The following NHERF2 variants were observed in gnomAD, a reference collection of about 807,000 sequenced individuals.
The protein encoded by NHERF2 is NHERF family PDZ scaffold protein 2.
chr16:2,034,315 C>G, the NHERF2 span, among the ~76,000 whole-genome samples: 1 of 151,642 alleles, frequency 6.6e-6, no homozygotes, highest in Non-Finnish European at 1.5e-5. Context: ...GCCTTCCCTG[C>G]GTCCCAGGCC....
chr16:2,036,992 T>C, the NHERF2 span: 4 of 1,550,638 alleles, frequency 2.6e-6, no homozygotes, highest in African/African-American at 1.4e-5. Flanking sequence ...GAACCAGCCC[T>C]GCCCAGGTAA....
the NHERF2 span, chr16:2,027,147 G>A: frequency 1.4e-6 from 2 of 1,474,422 alleles, no homozygotes; most frequent in Non-Finnish European, 1.8e-6. Flanking sequence ...CGCCGAGGCC[G>A]CCGCGCTGCG....
At chr16:2,029,562 C>A in the NHERF2 span, 1 of 1,556,100 alleles carries the variant, frequency 6.4e-7, no homozygotes, top group Non-Finnish European at 8.7e-7. Flanking sequence ...TGACCCGCTC[C>A]TATCGCCCAT....
chr16:2,036,911 T>C, the NHERF2 span: 9 of 1,588,282 alleles, frequency 5.7e-6, no homozygotes, highest in African/African-American at 1.2e-4. Context: ...ACAGGGTGGG[T>C]GCGGTGTGGT....
chr16:2,036,509 G>A, the NHERF2 span: 150 of 1,575,100 alleles, frequency 9.5e-5, no homozygotes, highest in East Asian at 5.4e-4. Flanking sequence ...TTGAGGTACC[G>A]GCCCACCAGG....
chr16:2,036,187 G>C, the NHERF2 span: 1 of 839,440 alleles, frequency 1.2e-6, no homozygotes, highest in Non-Finnish European at 1.8e-6. Context: ...TGGGTGCCCG[G>C]AGTGTTTGCC....
the NHERF2 span, chr16:2,029,706 C>T: frequency 7.1e-6 from 11 of 1,555,232 alleles, no homozygotes; most frequent in South Asian, 3.6e-5. Flanking sequence ...CGAGGGCTCC[C>T]ACCCGCCCAC....
the NHERF2 span, among the ~76,000 whole-genome samples, chr16:2,035,228 C>G: frequency 1.3e-5 from 2 of 152,110 alleles, no homozygotes; most frequent in East Asian, 3.9e-4. Flanking sequence ...GAAGGACCCC[C>G]TTGCTCCCTT....
chr16:2,034,261 A>G, the NHERF2 span, among the ~76,000 whole-genome samples: 1 of 152,044 alleles, frequency 6.6e-6, no homozygotes, highest in African/African-American at 2.4e-5. Flanking sequence ...CTGGGCCCAT[A>G]TCACGCTCCC....
At chr16:2,029,618 C>T in the NHERF2 span, 52 of 1,579,182 alleles carry the variant, frequency 3.3e-5, no homozygotes, top group African/African-American at 5.4e-5. Context: ...GGGGCAGACT[C>T]GGCTGCTGGT....
the NHERF2 span, chr16:2,026,947 C>T: frequency 1.4e-5 from 10 of 737,124 alleles, no homozygotes; most frequent in Non-Finnish European, 1.7e-5. Context: ...CCAGCGCCGC[C>T]GCCGCCCCCG....
the NHERF2 span, among the ~76,000 whole-genome samples, chr16:2,037,295 C>T: frequency 1.3e-5 from 2 of 152,070 alleles, no homozygotes; most frequent in African/African-American, 4.8e-5. Context: ...TCACCCCAGG[C>T]GTTGCTCACG....
At chr16:2,035,254 C>G in the NHERF2 span, 5 of 285,770 alleles carry the variant, frequency 1.7e-5, no homozygotes, top group Non-Finnish European at 2.6e-5. Flanking sequence ...GGCGGTCCCC[C>G]CCGCTGACAT....
At chr16:2,030,228 C>T in the NHERF2 span, among the ~76,000 whole-genome samples, 24 of 152,328 alleles carry the variant, frequency 1.6e-4, no homozygotes, top group African/African-American at 5.1e-4. Flanking sequence ...AGAGGGCCGG[C>T]CTTCTCCACA....
the NHERF2 span, among the ~76,000 whole-genome samples, chr16:2,029,145 C>T: frequency 1.3e-5 from 2 of 152,262 alleles, no homozygotes; most frequent in Non-Finnish European, 2.9e-5. Flanking sequence ...GGGAGACACA[C>T]CTCTCCTTCA....
chr16:2,032,904 G>A, the NHERF2 span: 1 of 1,042,600 alleles, frequency 9.6e-7, no homozygotes, highest in Non-Finnish European at 1.2e-6. This position sits in a 1 kb window ranked among gnomAD's most constrained non-coding sequence, Gnocchi z 4.0. Flanking sequence ...GAGGGCCTTG[G>A]GGGCTAAGAG....
At chr16:2,027,007 T>C in the NHERF2 span, 1 of 1,154,260 alleles carries the variant, frequency 8.7e-7, no homozygotes, top group East Asian at 4.0e-5. Flanking sequence ...GCGGGCGCCA[T>C]GGCCGCGCCG....
At chr16:2,034,093 G>C in the NHERF2 span, among the ~76,000 whole-genome samples, 8 of 152,194 alleles carry the variant, frequency 5.3e-5, no homozygotes, top group African/African-American at 1.9e-4. Flanking sequence ...CTTCCTGTCT[G>C]GTGCCCTGAG....
the NHERF2 span, chr16:2,026,970 C>G: frequency 1.1e-6 from 1 of 944,956 alleles, no homozygotes; most frequent in Non-Finnish European, 1.3e-6. Flanking sequence ...CTCCCCCGCG[C>G]CCCTGCCCGC....
Sources: allele counts gnomAD v4.1 joint callset (sites outside exome capture counted in the v4.1 genomes callset), GRCh38; gene constraint gnomAD v4.1.1; non-coding constraint Gnocchi (gnomAD v3.1); transcripts MANE v1.5; gene names NCBI Gene and HGNC (gene_info 2026-07-23, HGNC 2026-07-21).